The following PTPRD variants were observed in gnomAD, a reference collection of about 807,000 sequenced individuals.
PTPRD encodes receptor-type tyrosine-protein phosphatase delta.
In PTPRD, 34 loss-of-function variants were observed where a neutral mutation model predicts 214.5. The observed-to-expected ratio is 0.16, with a 90% CI of 0.12 to 0.21. PTPRD has a LOEUF of 0.21. PTPRD is among the 10% of genes least tolerant of loss of function. The probability of loss-of-function intolerance (pLI) is 1.00; values close to 1 mark genes in which losing one functional copy is unlikely to be tolerated. For synonymous variants in PTPRD, 1,128 were observed against 845.7 expected (o/e 1.33, Z -5.79); for missense variants, 2,545 against 2,398.7 (o/e 1.06, Z -1.27).
chr9:9,267,223 A>ACCAATT (rs1940317928), intron 9 of PTPRD, among the ~76,000 whole-genome samples: 1 of 151,310 alleles, frequency 6.6e-6, no homozygotes, highest in Non-Finnish European at 1.5e-5. Context: ...AAATGAAAGA[A>ACCAATT]GAGACATTAC....
At chr9:8,756,913 G>A (rs895976203) in intron 11 of PTPRD, among the ~76,000 whole-genome samples, 1 of 152,104 alleles carries the variant, frequency 6.6e-6, no homozygotes, top group East Asian at 1.9e-4. Context: ...GGCCGAGGTG[G>A]GCAGATCACT....
chr9:9,052,121 G>A lies in PTPRD; in HGVS notation c.-142-33386C>T, dbSNP rs111528783. Among the ~76,000 whole-genome samples, 568 of 152,238 alleles carry A rather than the reference G, an allele frequency of 3.7e-3. 5 individuals carry two copies. The highest frequency in any genetic ancestry group is 0.013 in the African/African-American group (538 of 41,540). On this transcript the variant is annotated intron_variant, in intron 10 of 45. Transcript: ENST00000381196. Reference sequence around the variant, plus strand: ...AGTGTGGTGTGGTGTTGTTACAGCCGCCTTCCTGGTTCACAGATGGCACCT... The same window carrying A: ...AGTGTGGTGTGGTGTTGTTACAGCCACCTTCCTGGTTCACAGATGGCACCT...
chr9:10,505,297 G>C (rs149676743), intron 2 of PTPRD, among the ~76,000 whole-genome samples: 1 of 152,270 alleles, frequency 6.6e-6, no homozygotes, highest in African/African-American at 2.4e-5. Flanking sequence ...GACTTCACTA[G>C]ATTTAAAGTT....
chr9:9,315,702 A>C (rs991226111), intron 9 of PTPRD, among the ~76,000 whole-genome samples: 13 of 151,838 alleles, frequency 8.6e-5, no homozygotes, highest in African/African-American at 2.7e-4. Flanking sequence ...ATTCCTTGCC[A>C]GTACATAACC....
intron 3 of PTPRD, among the ~76,000 whole-genome samples, chr9:10,124,726 T>C (rs1377947236): frequency 6.6e-6 from 1 of 152,248 alleles, no homozygotes; most frequent in Non-Finnish European, 1.5e-5. Flanking sequence ...GCTAATGTTG[T>C]AATAATAAAG....
Position 9,873,765 on chromosome 9 carries a change from G to A in PTPRD, c.-368+64742C>T, listed in dbSNP as rs1004879964. 2.0e-5 allele frequency among the ~76,000 whole-genome samples: 3 copies of A among 152,016 alleles called. No homozygotes were observed. In the East Asian group the frequency reaches 5.8e-4, roughly 29 times the overall value. The stretch of plus-strand genomic sequence containing the variant: ...TAAAATATTCTTTCTCCATCCTGAG[G>A]CTCATATTTCTGAGTATCCCCATAG... On this transcript the variant is annotated intron_variant, in intron 5 of 45. Coordinates refer to ENST00000381196, the MANE Select transcript of PTPRD (RefSeq NM_002839.4).
chr9:10,202,971 T>C (rs1410476015), intron 3 of PTPRD, among the ~76,000 whole-genome samples: 1 of 151,854 alleles, frequency 6.6e-6, no homozygotes, highest in African/African-American at 2.4e-5. Flanking sequence ...ATTTCTGTCA[T>C]TTAAGCCACC....
chr9:10,441,337 C>G (rs916882728), intron 2 of PTPRD, among the ~76,000 whole-genome samples: 1 of 151,688 alleles, frequency 6.6e-6, no homozygotes, highest in African/African-American at 2.4e-5. Context: ...ACTTCCTTTA[C>G]TCTTTCCTAT....
intron 11 of PTPRD, among the ~76,000 whole-genome samples, chr9:8,938,163 G>A (rs2099009572): frequency 6.6e-6 from 1 of 152,076 alleles, no homozygotes. Context: ...ATTTGTTGAT[G>A]GCAAGATGCT....
intron 35 of PTPRD, among the ~76,000 whole-genome samples, chr9:8,428,727 C>G (rs1390518549): frequency 1.3e-5 from 2 of 152,020 alleles, no homozygotes; most frequent in African/African-American, 4.8e-5. Context: ...TTGTATGATT[C>G]TTGAATACAT....
intron 4 of PTPRD, among the ~76,000 whole-genome samples, chr9:9,945,721 T>C (rs1464308576): frequency 6.6e-6 from 1 of 152,114 alleles, no homozygotes; most frequent in African/African-American, 2.4e-5. Context: ...TATATTATTT[T>C]CACACATAAA....
intron 10 of PTPRD, among the ~76,000 whole-genome samples, chr9:9,069,619 CTT>C (rs1329693657): frequency 2.0e-5 from 3 of 152,196 alleles, no homozygotes; most frequent in Non-Finnish European, 4.4e-5. Context: ...GTTATAAACT[CTT>C]TTATTAAATG....
rs377282106 is a variant in PTPRD, at chr9:9,044,574, G to A, written c.-142-25839C>T. On this transcript the variant is annotated intron_variant, in intron 10 of 45. Transcript: ENST00000381196. ...TGGCAGGGGCAAGTGTAAAAAGAGT[G>A]GCTGTCTAACTAAATAACAATGACA... 7.2e-5 allele frequency among the ~76,000 whole-genome samples: 11 copies of A among 152,226 alleles called. No homozygotes were observed. In the South Asian group the frequency reaches 1.5e-3, roughly 20 times the overall value.
chr9:8,574,263 C>T (rs913097855), intron 14 of PTPRD, among the ~76,000 whole-genome samples: 5 of 151,878 alleles, frequency 3.3e-5, no homozygotes, highest in South Asian at 4.1e-4. Context: ...ACTGATAATA[C>T]GCCATAATGA....
At chr9:8,805,804 G>T (rs1223467136) in intron 11 of PTPRD, among the ~76,000 whole-genome samples, 1 of 151,106 alleles carries the variant, frequency 6.6e-6, no homozygotes, top group South Asian at 2.1e-4. Context: ...GACCATCCTG[G>T]CTAACACAGT....
chr9:9,649,149 A>C (rs1051018441), intron 7 of PTPRD, among the ~76,000 whole-genome samples: 2 of 152,164 alleles, frequency 1.3e-5, no homozygotes, highest in African/African-American at 4.8e-5. Flanking sequence ...ACCATATATC[A>C]TGTAGCCATA....
At chr9:8,780,731 A>T (rs539711328) in intron 11 of PTPRD, among the ~76,000 whole-genome samples, 1 of 152,356 alleles carries the variant, frequency 6.6e-6, no homozygotes, top group Admixed American at 6.5e-5. Context: ...AGGCCAAGAA[A>T]TATTCTATCC....
At chr9:8,828,939 A>G (rs566774311) in intron 11 of PTPRD, among the ~76,000 whole-genome samples, 1 of 152,304 alleles carries the variant, frequency 6.6e-6, no homozygotes, top group South Asian at 2.1e-4. Context: ...AGTGTTCCAT[A>G]AAATGCAGTA....
At chr9:8,992,621 A>C (rs1355937838) in intron 11 of PTPRD, among the ~76,000 whole-genome samples, 1 of 152,184 alleles carries the variant, frequency 6.6e-6, no homozygotes, top group Non-Finnish European at 1.5e-5. Context: ...ATTACTATAA[A>C]ATAATATACG....
Sources: allele counts gnomAD v4.1 joint callset (sites outside exome capture counted in the v4.1 genomes callset), GRCh38; gene constraint gnomAD v4.1.1; transcripts MANE v1.5; gene names NCBI Gene and HGNC (gene_info 2026-07-23, HGNC 2026-07-21).